Variants in ACSF2 observed in about 807,000 individuals in gnomAD.
ACSF2 encodes the protein medium-chain acyl-CoA ligase ACSF2, mitochondrial.
A neutral mutation model predicts 79.3 loss-of-function variants in ACSF2; 52 were observed. The observed-to-expected ratio is 0.66, with a 90% confidence interval of 0.53 to 0.83. The LOEUF (loss-of-function observed/expected upper bound fraction) is 0.83, where lower values mean the gene tolerates loss of function less well. ACSF2 is among the 40% of genes least tolerant of loss of function. The probability of loss-of-function intolerance (pLI) is 0.00; values close to 1 mark genes in which losing one functional copy is unlikely to be tolerated. For synonymous variants in ACSF2, 283 were observed against 312.6 expected, an observed-to-expected ratio of 0.91 and a Z score of 1.00; for missense variants, 661 against 803.3, an observed-to-expected ratio of 0.82 and a Z score of 2.14.
intron 10 of ACSF2, among the ~76,000 whole-genome samples, chr17:50,467,572 A>C (rs2065155409): frequency 6.6e-6 from 1 of 151,754 alleles, no homozygotes; most frequent in African/African-American, 2.4e-5. Context: ...GCACACATGC[A>C]CAGCCCCCAC....
intron 1 of ACSF2, among the ~76,000 whole-genome samples, chr17:50,442,405 C>T (rs1392039975): frequency 6.7e-6 from 1 of 149,962 alleles, no homozygotes; most frequent in African/African-American, 2.5e-5. Context: ...TCAAGTGATC[C>T]TCCCGCCTTG....
intron 1 of ACSF2, among the ~76,000 whole-genome samples, chr17:50,436,312 G>T (rs758002570): frequency 2.0e-5 from 3 of 151,540 alleles, no homozygotes; most frequent in Non-Finnish European, 2.9e-5. Context: ...TGTATTTTTA[G>T]TAGAGACGGG....
At chr17:50,447,279 C>T (rs944175301) in intron 1 of ACSF2, among the ~76,000 whole-genome samples, 6 of 152,150 alleles carry the variant, frequency 3.9e-5, no homozygotes, top group African/African-American at 1.4e-4. Context: ...GTGGCTCACT[C>T]TTGTAATCCC....
At chr17:50,437,159 T>C (rs1159165522) in intron 1 of ACSF2, among the ~76,000 whole-genome samples, 2 of 152,060 alleles carry the variant, frequency 1.3e-5, no homozygotes, top group African/African-American at 2.4e-5. Context: ...ACTAGAAGAA[T>C]GAGATCACAA....
At chr17:50,472,643 A>G (rs2033175360) in intron 12 of ACSF2, 64 bp downstream of exon 12, 2 of 1,528,074 alleles carry the variant, frequency 1.3e-6, no homozygotes, top group African/African-American at 2.8e-5. Context: ...CTTGAGGCTG[A>G]GCCGGGAACA....
chr17:50,470,968 CTCACCTGA>C, intron 10 of ACSF2, 52 bp from the exon 11 acceptor site: 1 of 1,243,568 alleles, frequency 8.0e-7, no homozygotes, highest in South Asian at 1.2e-5. Flanking sequence ...CCTCAGATAG[CTCACCTGA>C]TCCCTCTGCA....
chr17:50,459,634 C>A (rs1376770221), intron 1 of ACSF2, among the ~76,000 whole-genome samples: 5 of 152,156 alleles, frequency 3.3e-5, no homozygotes, highest in Non-Finnish European at 5.9e-5. Context: ...CGTGCCCTTA[C>A]TTAGGGGTTG....
At chr17:50,457,068 GACAA>G (rs1326943619) in intron 1 of ACSF2, among the ~76,000 whole-genome samples, 2 of 151,446 alleles carry the variant, frequency 1.3e-5, no homozygotes, top group Middle Eastern at 3.4e-3. Context: ...CTTTCTCAAA[GACAA>G]ACAGACAAAC....
chr17:50,428,094 T>C (rs1915169075), intron 1 of ACSF2, among the ~76,000 whole-genome samples: 2 of 151,846 alleles, frequency 1.3e-5, no homozygotes. Context: ...AAAGCAGAGG[T>C]GGTAGGATCA....
chr17:50,471,131 C>T lies in ACSF2; in HGVS notation c.1319C>T (p.Thr440Met), dbSNP rs1405645018. The change falls in exon 11 of 16, where the codon ACG becomes ATG. Residue 440 changes from threonine (T) to methionine (M), a missense_variant. Thr to Met is a moderately conservative substitution (Grantham distance 81). Transcript: ENST00000300441. The surrounding 1 kb of genome is among the most constrained non-coding windows in gnomAD (Gnocchi z 4.1). ...AESVGRIMPH[T>M]EARIMNMEAG... ...AGCGTGGGCAGAATTATGCCTCACACGGAGGTGAGCCCCTGACCAAGACTC... is the reference window on the plus strand; with the variant it reads ...AGCGTGGGCAGAATTATGCCTCACATGGAGGTGAGCCCCTGACCAAGACTC... The T allele has an allele frequency of 6.8e-6, 11 of 1,613,680 alleles. No individual in the cohort carries two copies. Among genetic ancestry groups the T allele is most frequent in the East Asian group, 2.2e-5 (1 of 44,862 alleles).
intron 1 of ACSF2, among the ~76,000 whole-genome samples, chr17:50,432,621 G>A (rs771907250): frequency 2.0e-5 from 3 of 152,198 alleles, no homozygotes; most frequent in Non-Finnish European, 2.9e-5. Context: ...ACGAAGGGTA[G>A]GAACAATTCT....
rs1305257996 is a variant in ACSF2, at chr17:50,474,357, A to G, written c.1797+90A>G. On this transcript the variant is annotated intron_variant, in intron 15 of 15. Coordinates refer to ENST00000300441, the MANE Select transcript of ACSF2 (RefSeq NM_025149.6). The surrounding 1 kb of genome is among the most constrained non-coding windows in gnomAD (Gnocchi z 4.2). ...CTGTTTCCTTCAGCAATGGGTGTGG[A>G]GAGACTGGCAGTAGGGTGACCGGGT... is the stretch of plus-strand genomic sequence containing the variant. 6.5e-7 allele frequency: 1 copy of G among 1,536,440 alleles called. No individual in the cohort carries two copies. Among genetic ancestry groups the G allele is most frequent in the Non-Finnish European group, 9.0e-7 (1 of 1,112,108 alleles).
rs923482605 is a variant in ACSF2 at position 50,471,295 on chromosome 17, T to C, written c.1323+160T>C. 3.2e-6 allele frequency: 2 copies of C among 617,518 alleles called. No homozygotes were observed. The highest frequency in any genetic ancestry group is 1.8e-5 in the African/African-American group (1 of 54,228). The allele number at this position is 617,518 out of a possible 1,614,324, so 38.3% of individuals were successfully genotyped here. On this transcript the variant is annotated intron_variant, in intron 11 of 15. Transcript: ENST00000300441. The surrounding 1 kb of genome is among the most constrained non-coding windows in gnomAD (Gnocchi z 4.1). ...GGTGTGCTAGGCCTGGCCCGGAGTG[T>C]TCTCTGTGGGCTAAGCATGAAAGGG... is the stretch of plus-strand genomic sequence containing the variant.
chr17:50,437,434 G>A (rs1177611919), intron 1 of ACSF2, among the ~76,000 whole-genome samples: 1 of 152,164 alleles, frequency 6.6e-6, no homozygotes, highest in African/African-American at 2.4e-5. Flanking sequence ...AGGGTTGCTT[G>A]AGGCCAGGAG....
intron 1 of ACSF2, among the ~76,000 whole-genome samples, chr17:50,431,954 T>A (rs1361531364): frequency 6.6e-6 from 1 of 152,136 alleles, no homozygotes; most frequent in East Asian, 1.9e-4. Flanking sequence ...TCACCTAGGC[T>A]GAGTGCAGTG....
rs79314993 is a variant in ACSF2, at chr17:50,436,738, CT to C, written c.128+10365del. 3.8e-3 allele frequency among the ~76,000 whole-genome samples: 497 copies of C among 132,236 alleles called. 3 individuals carry two copies. Among genetic ancestry groups the C allele is most frequent in the African/African-American group, 5.8e-3 (212 of 36,308 alleles). 86.8% of individuals were successfully genotyped at this position (132,236 alleles called of 152,430 possible). ...TGTGAGCCACCATGCCCAGGCAGTT[CT>C]TTTTTTTTTTTTTTTCCTGAGGCTC... On this transcript the variant is annotated intron_variant, in intron 1 of 15. Coordinates refer to ENST00000300441, the MANE Select transcript of ACSF2 (RefSeq NM_025149.6).
chr17:50,464,346 G>C, intron 10 of ACSF2, 52 bp downstream of exon 10: 1 of 1,562,200 alleles, frequency 6.4e-7, no homozygotes, highest in Non-Finnish European at 8.8e-7. Flanking sequence ...TGGGATGACA[G>C]CAGATGGACA....
At position 50,463,012 on chromosome 17, in the gene ACSF2, G is replaced by C; in HGVS notation, c.793-144G>C. 2 of 705,446 alleles carry C rather than the reference G, an allele frequency of 2.8e-6. No individual in the cohort carries two copies. The highest frequency in any genetic ancestry group is 3.5e-5 in the South Asian group (2 of 57,388). The allele number at this position is 705,446 out of a possible 1,614,324, so 43.7% of individuals were successfully genotyped here. On this transcript the variant is annotated intron_variant, in intron 6 of 15. Transcript: ENST00000300441. This position sits in a 1 kb window ranked among gnomAD's most constrained non-coding sequence, Gnocchi z 4.6. ...GACCCTGACACCTGGTATCGTGGTA[G>C]ACCTTTTGCAAATATACTGAACAGA...
chr17:50,439,193 C>T (rs2030685229), intron 1 of ACSF2, among the ~76,000 whole-genome samples: 1 of 150,392 alleles, frequency 6.6e-6, no homozygotes, highest in East Asian at 1.9e-4. Flanking sequence ...AGTTCAACCT[C>T]CCGAGCAGCT....
Sources: allele counts gnomAD v4.1 joint callset (sites outside exome capture counted in the v4.1 genomes callset), GRCh38; gene constraint gnomAD v4.1.1; non-coding constraint Gnocchi (gnomAD v3.1); transcripts MANE v1.5; gene names NCBI Gene and HGNC (gene_info 2026-07-23, HGNC 2026-07-21).